The following MBTD1 variants were observed in gnomAD, a reference collection of about 807,000 sequenced individuals.
MBTD1 encodes mbt domain containing 1, also known as MBT domain-containing protein 1.
A neutral mutation model predicts 87.8 loss-of-function variants in MBTD1; 24 were observed. The ratio of observed to expected loss-of-function variants is 0.27; its 90% CI spans 0.20 to 0.38. The LOEUF (loss-of-function observed/expected upper bound fraction) is 0.38, where lower values mean the gene tolerates loss of function less well. Ranked by LOEUF, MBTD1 falls within the 10% of genes least tolerant of loss-of-function variation. The pLI, the probability that MBTD1 is intolerant of heterozygous loss-of-function variation, is 1.00. For missense variants in MBTD1, 436 were observed against 760.2 expected (o/e 0.57, Z 5.02); for synonymous variants, 237 against 248.6 (o/e 0.95, Z 0.44).
intron 6 of MBTD1, among the ~76,000 whole-genome samples, chr17:51,215,168 T>C (rs890196529): frequency 1.3e-5 from 2 of 152,232 alleles, no homozygotes; most frequent in African/African-American, 4.8e-5. Flanking sequence ...GAGAAACAGA[T>C]GCCTCACTTC....
At chr17:51,221,955 G>C (rs963364082) in intron 3 of MBTD1, among the ~76,000 whole-genome samples, 4 of 152,154 alleles carry the variant, frequency 2.6e-5, no homozygotes, top group African/African-American at 7.2e-5. Context: ...AAAAATGCCA[G>C]AAGATTGCAG....
At chr17:51,203,953 AAT>A in intron 7 of MBTD1, 28 bp from the exon 8 acceptor site, 1 of 1,535,916 alleles carries the variant, frequency 6.5e-7, no homozygotes, top group South Asian at 1.2e-5. Flanking sequence ...ATCACTACAT[AAT>A]AAGAAAATAA....
chr17:51,222,489 C>G (rs1352080426), intron 3 of MBTD1, among the ~76,000 whole-genome samples: 2 of 152,132 alleles, frequency 1.3e-5, no homozygotes, highest in African/African-American at 4.8e-5. Context: ...ACTACAACCT[C>G]CGCCTTCCGG....
intron 6 of MBTD1, among the ~76,000 whole-genome samples, chr17:51,210,817 T>C (rs73353609): frequency 1.6e-3 from 240 of 151,880 alleles, no homozygotes; most frequent in African/African-American, 5.5e-3. Flanking sequence ...AAACAGTCCA[T>C]AATTTTTTTT....
intron 2 of MBTD1, among the ~76,000 whole-genome samples, chr17:51,241,447 G>C (rs529670521): frequency 2.4e-4 from 37 of 152,272 alleles, no homozygotes; most frequent in Admixed American, 8.5e-4. Context: ...GTCTCTCACT[G>C]TGATGATTTC....
intron 12 of MBTD1, among the ~76,000 whole-genome samples, chr17:51,196,658 G>C (rs1199642592): frequency 2.6e-5 from 4 of 151,534 alleles, no homozygotes; most frequent in Non-Finnish European, 5.9e-5. Flanking sequence ...TTGGGAGGCT[G>C]AGATGGGCAG....
chr17:51,190,361 C>A (rs1419996666), intron 16 of MBTD1, among the ~76,000 whole-genome samples: 1 of 152,044 alleles, frequency 6.6e-6, no homozygotes, highest in Admixed American at 6.6e-5. Context: ...CTTGGCCTCC[C>A]AAAGTTGCTG....
At chr17:51,260,199 G>A, upstream of MBTD1, 1 of 401,728 alleles carries the variant, frequency 2.5e-6, no homozygotes, top group Non-Finnish European at 4.4e-6. Flanking sequence ...GGTGGAAAGC[G>A]TATTGGGGCT....
intron 6 of MBTD1, among the ~76,000 whole-genome samples, chr17:51,207,451 A>G (rs962793785): frequency 6.6e-6 from 1 of 152,256 alleles, no homozygotes; most frequent in Non-Finnish European, 1.5e-5. Context: ...AATAAGAGAA[A>G]TGAAAATTTT....
chr17:51,228,773 C>T (rs1219565590), intron 2 of MBTD1, among the ~76,000 whole-genome samples: 1 of 151,200 alleles, frequency 6.6e-6, no homozygotes, highest in South Asian at 2.1e-4. Flanking sequence ...GGTAGGCGCC[C>T]GTAATCCCAG....
chr17:51,222,838 G>A (rs1044261499), intron 3 of MBTD1, among the ~76,000 whole-genome samples: 7 of 150,514 alleles, frequency 4.7e-5, no homozygotes, highest in Admixed American at 1.3e-4. Flanking sequence ...GTCTCGCTCT[G>A]TAGCCAGGCT....
At chr17:51,215,836 G>T (rs1471461141) in intron 6 of MBTD1, among the ~76,000 whole-genome samples, 1 of 151,888 alleles carries the variant, frequency 6.6e-6, no homozygotes, top group Non-Finnish European at 1.5e-5. Context: ...TCCTTTAATG[G>T]CCATGAATCA....
intron 2 of MBTD1, among the ~76,000 whole-genome samples, chr17:51,249,294 G>A (rs1319582592): frequency 6.6e-6 from 1 of 152,056 alleles, no homozygotes; most frequent in Admixed American, 6.6e-5. Flanking sequence ...GGATATACTT[G>A]AAGATTCACA....
intron 12 of MBTD1, 24 bp downstream of exon 12, chr17:51,201,568 A>T (rs370818041): frequency 6.9e-7 from 1 of 1,446,082 alleles, no homozygotes; most frequent in Non-Finnish European, 9.6e-7. Flanking sequence ...TTGCATTTCT[A>T]TATTTTAAAA....
intron 3 of MBTD1, 37 bp from the exon 4 acceptor site, chr17:51,220,500 T>C (rs564394424): frequency 2.7e-5 from 40 of 1,477,966 alleles, no homozygotes; most frequent in Middle Eastern, 3.5e-4. Flanking sequence ...GTTATGATGA[T>C]ATAATAAAAT....
At chr17:51,213,362 T>C (rs915218780) in intron 6 of MBTD1, among the ~76,000 whole-genome samples, 3 of 152,158 alleles carry the variant, frequency 2.0e-5, no homozygotes, top group Admixed American at 2.0e-4. Flanking sequence ...GTTCTGAATA[T>C]ACAGACATCA....
In MBTD1 at chr17:51,179,515, T is replaced by TATATATATTC. The variant is rs1555673853; in HGVS notation, c.*1060_*1061insGAATATATAT. On this transcript the variant is annotated 3_prime_UTR_variant, in exon 17 of 17. Coordinates refer to ENST00000586178, the MANE Select transcript of MBTD1 (RefSeq NM_017643.3). ...ATATATATATATATATATATATATA[T>TATATATATTC]ATATATATATATATATATATATGGA... 9.9e-6 allele frequency: 1 copy of TATATATATTC among 101,510 alleles called. No homozygotes were observed. The highest frequency in any genetic ancestry group is 3.7e-5 in the African/African-American group (1 of 27,222). The allele number at this position is 101,510 out of a possible 1,614,324, so 6.3% of individuals were successfully genotyped here. A position where few individuals can be genotyped will look rare whatever the true frequency, so the allele number is the denominator to read the frequency against.
chr17:51,230,673 C>T (rs1393638523), intron 2 of MBTD1, among the ~76,000 whole-genome samples: 1 of 152,110 alleles, frequency 6.6e-6, no homozygotes, highest in African/African-American at 2.4e-5. Context: ...GGCTTTTGGG[C>T]TAGAATAAAC....
intron 12 of MBTD1, among the ~76,000 whole-genome samples, chr17:51,198,187 ATC>A (rs1476400215): frequency 6.6e-6 from 1 of 152,060 alleles, no homozygotes; most frequent in Non-Finnish European, 1.5e-5. Flanking sequence ...CTTGCCATTA[ATC>A]TCTGTCTTGA....
Sources: allele counts gnomAD v4.1 joint callset (sites outside exome capture counted in the v4.1 genomes callset), GRCh38; gene constraint gnomAD v4.1.1; transcripts MANE v1.5; gene names NCBI Gene and HGNC (gene_info 2026-07-23, HGNC 2026-07-21).